The following ZRANB2 variants were observed in gnomAD, a reference collection of about 807,000 sequenced individuals.
The protein encoded by ZRANB2 is zinc finger Ran-binding domain-containing protein 2.
ZRANB2 carries 19 observed loss-of-function variants against 53.4 expected under a neutral mutation model. That is an observed-to-expected ratio of 0.36 (90% CI 0.25 to 0.52). The LOEUF is 0.52. ZRANB2 is among the 20% of genes least tolerant of loss of function. ZRANB2 has a pLI of 0.93. For synonymous variants in ZRANB2, 145 were observed against 134.8 expected (o/e 1.08, Z -0.52); for missense variants, 309 against 401.1 (o/e 0.77, Z 1.96).
chr1:71,077,828 C>A lies in ZRANB2; in HGVS notation c.218+629G>T, dbSNP rs1661741781. ...CTGAGATCGCCCCACTGCACTCCAGCCTGGGTGACTGAGTGGGACCTCATC... is the reference window on the plus strand; with the variant it reads ...CTGAGATCGCCCCACTGCACTCCAGACTGGGTGACTGAGTGGGACCTCATC... On this transcript the variant is annotated intron_variant, in intron 3 of 9. Transcript: ENST00000370920. Among the ~76,000 whole-genome samples the A allele has an allele frequency of 1.3e-5, 2 of 152,136 alleles. 1 individual carries two copies. Among genetic ancestry groups the A allele is most frequent in the Non-Finnish European group, 2.9e-5 (2 of 68,020 alleles).
chr1:71,068,742 AT>A, intron 8 of ZRANB2, among the ~76,000 whole-genome samples: 1 of 152,176 alleles, frequency 6.6e-6, no homozygotes, highest in East Asian at 1.9e-4. Context: ...CCTTTTAATA[AT>A]GAAGAAAATT....
intron 5 of ZRANB2, 103 bp downstream of exon 5, chr1:71,072,369 A>C: frequency 6.9e-7 from 1 of 1,442,466 alleles, no homozygotes; most frequent in Non-Finnish European, 9.4e-7. Context: ...CAGTTGCTGA[A>C]GACTCAAATT....
intron 3 of ZRANB2, 47 bp from the exon 4 acceptor site, chr1:71,076,924 A>G (rs940264688): frequency 1.1e-5 from 15 of 1,339,788 alleles, no homozygotes; most frequent in East Asian, 2.3e-5. Flanking sequence ...ATATAGATGA[A>G]TATCAAATTT....
rs41287940 is a variant in ZRANB2 at position 71,078,620 on chromosome 1, T to C, written c.109+36A>G. The C allele has an allele frequency of 2.0e-3, 3,142 of 1,608,846 alleles. 22 individuals carry two copies. Among genetic ancestry groups the C allele is most frequent in the Non-Finnish European group, 2.2e-3 (2,580 of 1,175,666 alleles). On this transcript the variant is annotated intron_variant, in intron 2 of 9. Transcript: ENST00000370920. Reference sequence around the variant, plus strand: ...CCTGGAGAAATAAATAAATGATACATATACAGTATAAATAGAATCTTCTTT... The same window carrying C: ...CCTGGAGAAATAAATAAATGATACACATACAGTATAAATAGAATCTTCTTT...
intron 3 of ZRANB2, among the ~76,000 whole-genome samples, chr1:71,077,523 C>T (rs1264103814): frequency 1.3e-5 from 2 of 152,140 alleles, no homozygotes; most frequent in Admixed American, 1.3e-4. Flanking sequence ...TTTTCCAATA[C>T]AAATTTATAA....
chr1:71,075,159 T>A (rs1338051348), intron 4 of ZRANB2, among the ~76,000 whole-genome samples: 3 of 152,170 alleles, frequency 2.0e-5, no homozygotes, highest in Non-Finnish European at 4.4e-5. Flanking sequence ...ATGGGTTTTT[T>A]AAAAAAGGAT....
chr1:71,080,844 G>T, intron 1 of ZRANB2, 96 bp downstream of exon 1: 1 of 1,453,228 alleles, frequency 6.9e-7, no homozygotes. Context: ...CCCGTCTTAA[G>T]GCACAGAAAA....
At chr1:71,074,121 T>A (rs1661655426) in intron 4 of ZRANB2, among the ~76,000 whole-genome samples, 1 of 152,170 alleles carries the variant, frequency 6.6e-6, no homozygotes, top group Non-Finnish European at 1.5e-5. Flanking sequence ...TAACTCATCT[T>A]TCACTTCTTA....
At chr1:71,069,977 T>C (rs1661560345) in intron 7 of ZRANB2, among the ~76,000 whole-genome samples, 1 of 152,172 alleles carries the variant, frequency 6.6e-6, no homozygotes, top group Non-Finnish European at 1.5e-5. Context: ...ATTTGTCCCT[T>C]ATAATAATAC....
chr1:71,072,361 G>C (rs1661613788), intron 5 of ZRANB2, 106 bp from the exon 6 acceptor site: 15 of 1,444,176 alleles, frequency 1.0e-5, no homozygotes, highest in Non-Finnish European at 1.4e-5. Flanking sequence ...AAAATGATCA[G>C]TTGCTGAAGA....
chr1:71,067,864 GCTCT>G (rs1303359229), intron 8 of ZRANB2: 4 of 288,372 alleles, frequency 1.4e-5, no homozygotes, highest in Non-Finnish European at 2.7e-5. Context: ...AAAATAATTT[GCTCT>G]CTACTTCTAT....
intron 4 of ZRANB2, among the ~76,000 whole-genome samples, chr1:71,073,720 A>G (rs1370585249): frequency 6.6e-6 from 1 of 152,074 alleles, no homozygotes; most frequent in African/African-American, 2.4e-5. Flanking sequence ...AAGCTCAAAA[A>G]TATAGTAAAA....
At position 71,069,174 on chromosome 1, in the gene ZRANB2, T is replaced by C. The variant is rs554305655; in HGVS notation, c.770+102A>G. The C allele has an allele frequency of 5.6e-6, 5 of 899,536 alleles. No homozygotes were observed. The African/African-American group carries it at 8.5e-5, about 15-fold the overall frequency. 55.7% of individuals were successfully genotyped at this position (899,536 alleles called of 1,614,324 possible). ...TTAGTTTTCTAATGCTAAAATAAAATCGACAAGTAGAAGCAAAATAAGGGG... is the reference window on the plus strand; with the variant it reads ...TTAGTTTTCTAATGCTAAAATAAAACCGACAAGTAGAAGCAAAATAAGGGG... On this transcript the variant is annotated intron_variant, in intron 8 of 9. Transcript: ENST00000370920.
intron 4 of ZRANB2, 120 bp from the exon 5 acceptor site, chr1:71,072,668 A>G (rs1321457378): frequency 1.5e-6 from 1 of 669,456 alleles, no homozygotes; most frequent in Non-Finnish European, 2.5e-6. Context: ...TACCCATCTA[A>G]TAAATTACTA....
intron 9 of ZRANB2, chr1:71,065,859 G>T: frequency 1.3e-6 from 2 of 1,497,514 alleles, no homozygotes; most frequent in East Asian, 4.7e-5. Flanking sequence ...GCAACAGAAT[G>T]AATTCCACTC....
At chr1:71,075,685 G>A (rs1661693577) in intron 4 of ZRANB2, among the ~76,000 whole-genome samples, 1 of 151,992 alleles carries the variant, frequency 6.6e-6, no homozygotes, top group Non-Finnish European at 1.5e-5. Context: ...GGGGTTGGTG[G>A]GGGCGGTGAA....
chr1:71,069,195 A>AG (rs1661539672), intron 8 of ZRANB2, 81 bp downstream of exon 8: 2 of 1,158,402 alleles, frequency 1.7e-6, no homozygotes, highest in South Asian at 1.6e-5. Context: ...AAGCAAAATA[A>AG]GGGGAAAAAA....
At chr1:71,067,991 C>T (rs1044305963) in intron 8 of ZRANB2, among the ~76,000 whole-genome samples, 1 of 151,868 alleles carries the variant, frequency 6.6e-6, no homozygotes, top group African/African-American at 2.4e-5. Flanking sequence ...ATCCTTCCAC[C>T]TCAGCCTATA....
Position 71,063,539 on chromosome 1 carries a change from T to C in ZRANB2, c.*1535A>G, listed in dbSNP as rs534750441. 4 of 152,526 alleles carry C rather than the reference T, an allele frequency of 2.6e-5. No individual in the cohort carries two copies. Among genetic ancestry groups the C allele is most frequent in the Admixed American group, 6.6e-5 (1 of 15,264 alleles). 9.4% of individuals were successfully genotyped at this position (152,526 alleles called of 1,614,324 possible). A position where few individuals can be genotyped will look rare whatever the true frequency, so the allele number is the denominator to read the frequency against. On this transcript the variant is annotated 3_prime_UTR_variant, in exon 10 of 10. Coordinates refer to ENST00000370920, the MANE Select transcript of ZRANB2 (RefSeq NM_203350.3). ...GCACAAGAATAAACCAATGGTAACA[T>C]GTAGAATCTAGATCGTCGGGGCAAT... is the stretch of plus-strand genomic sequence containing the variant.
Sources: allele counts gnomAD v4.1 joint callset (sites outside exome capture counted in the v4.1 genomes callset), GRCh38; gene constraint gnomAD v4.1.1; transcripts MANE v1.5; gene names NCBI Gene and HGNC (gene_info 2026-07-23, HGNC 2026-07-21).